Variants in SPIRE1 observed in about 807,000 individuals in gnomAD.
SPIRE1 encodes protein spire homolog 1.
In SPIRE1, 40 loss-of-function variants were observed where a neutral mutation model predicts 94.1. The ratio of observed to expected loss-of-function variants is 0.43; its 90% CI spans 0.33 to 0.55. The LOEUF (loss-of-function observed/expected upper bound fraction) is 0.55. Among genes scored for constraint, SPIRE1 ranks in the 20% least tolerant of loss-of-function variants. The pLI, the probability that SPIRE1 is intolerant of heterozygous loss-of-function variation, is 0.06. For synonymous variants in SPIRE1, 376 were observed against 371.7 expected (o/e 1.01, Z -0.13); for missense variants, 838 against 975.2 (o/e 0.86, Z 1.87).
At chr18:12,490,951 T>G (rs1043577749) in intron 8 of SPIRE1, among the ~76,000 whole-genome samples, 6 of 151,846 alleles carry the variant, frequency 4.0e-5, no homozygotes, top group African/African-American at 1.2e-4. Flanking sequence ...AAAAAAGAAA[T>G]AAAAGGCATC....
At chr18:12,576,308 C>G (rs2036093866) in intron 2 of SPIRE1, among the ~76,000 whole-genome samples, 1 of 151,956 alleles carries the variant, frequency 6.6e-6, no homozygotes, top group Non-Finnish European at 1.5e-5. Context: ...AATTTTAAGA[C>G]TTATAATCAC....
At chr18:12,493,459 T>C (rs1026659237) in intron 7 of SPIRE1, among the ~76,000 whole-genome samples, 4 of 152,180 alleles carry the variant, frequency 2.6e-5, no homozygotes, top group African/African-American at 9.6e-5. Context: ...CAGGCTGGAG[T>C]GCAGTGGTGC....
At chr18:12,571,379 T>C (rs1320220407) in intron 2 of SPIRE1, among the ~76,000 whole-genome samples, 3 of 152,168 alleles carry the variant, frequency 2.0e-5, no homozygotes, top group African/African-American at 7.2e-5. Flanking sequence ...CTGGCCCCTA[T>C]TTATTTTGAA....
intron 5 of SPIRE1, among the ~76,000 whole-genome samples, chr18:12,510,320 C>A (rs1362086845): frequency 6.6e-6 from 1 of 151,776 alleles, no homozygotes; most frequent in East Asian, 1.9e-4. Flanking sequence ...TATATATGTA[C>A]AAAATATATG....
chr18:12,511,669 G>A (rs2034039301), intron 5 of SPIRE1, among the ~76,000 whole-genome samples: 1 of 152,130 alleles, frequency 6.6e-6, no homozygotes, highest in Non-Finnish European at 1.5e-5. Context: ...TCAAATGTAA[G>A]ACTAAGCATT....
intron 2 of SPIRE1, among the ~76,000 whole-genome samples, chr18:12,628,310 T>C (rs2144782565): frequency 6.6e-6 from 1 of 152,342 alleles, no homozygotes; most frequent in Non-Finnish European, 1.5e-5. Context: ...TAGGGAATCC[T>C]TTCCCCATTT....
intron 4 of SPIRE1, among the ~76,000 whole-genome samples, chr18:12,517,013 T>C (rs566483035): frequency 6.6e-6 from 1 of 152,364 alleles, no homozygotes; most frequent in East Asian, 1.9e-4. Flanking sequence ...TAGCACAAAC[T>C]GTAGCTCAGA....
intron 2 of SPIRE1, among the ~76,000 whole-genome samples, chr18:12,560,750 G>A (rs1398859239): frequency 6.6e-6 from 1 of 152,176 alleles, no homozygotes; most frequent in Non-Finnish European, 1.5e-5. Flanking sequence ...TACTTGGAAG[G>A]CTGAGGTGGG....
At chr18:12,610,292 G>A (rs1435204602) in intron 2 of SPIRE1, among the ~76,000 whole-genome samples, 3 of 151,886 alleles carry the variant, frequency 2.0e-5, no homozygotes, top group Non-Finnish European at 4.4e-5. Flanking sequence ...TAATGATCTT[G>A]TCCTCCACCT....
intron 9 of SPIRE1, among the ~76,000 whole-genome samples, chr18:12,484,885 C>A (rs933221545): frequency 6.6e-6 from 1 of 152,016 alleles, no homozygotes; most frequent in Non-Finnish European, 1.5e-5. Context: ...TGGTGAAACC[C>A]TGTCTCTATT....
intron 3 of SPIRE1, among the ~76,000 whole-genome samples, chr18:12,545,833 G>A (rs901933411): frequency 7.9e-5 from 12 of 152,126 alleles, no homozygotes; most frequent in Admixed American, 5.2e-4. Context: ...GTCAACTGAA[G>A]ATATAATGCC....
At chr18:12,643,706 TA>T (rs1317527826) in intron 1 of SPIRE1, among the ~76,000 whole-genome samples, 2 of 152,206 alleles carry the variant, frequency 1.3e-5, no homozygotes, top group African/African-American at 4.8e-5. Flanking sequence ...TGACATAGAC[TA>T]CACTTTGCCA....
intron 4 of SPIRE1, among the ~76,000 whole-genome samples, chr18:12,529,979 T>G (rs142589982): frequency 2.0e-5 from 3 of 152,298 alleles, no homozygotes; most frequent in African/African-American, 7.2e-5. Flanking sequence ...ATAATTTTAT[T>G]TTTAGCCTAT....
At chr18:12,546,053 G>T (rs2035156354) in intron 3 of SPIRE1, among the ~76,000 whole-genome samples, 1 of 152,096 alleles carries the variant, frequency 6.6e-6, no homozygotes. Flanking sequence ...GCAGTGGCGT[G>T]ATCTCAGCTC....
At chr18:12,492,160 T>C (rs2033257395) in intron 8 of SPIRE1, among the ~76,000 whole-genome samples, 1 of 152,086 alleles carries the variant, frequency 6.6e-6, no homozygotes, top group Non-Finnish European at 1.5e-5. Flanking sequence ...GAAGAGGGTA[T>C]GGTTGCTTAG....
chr18:12,475,816 C>T (rs1052247824), intron 10 of SPIRE1, among the ~76,000 whole-genome samples: 3 of 152,206 alleles, frequency 2.0e-5, no homozygotes, highest in African/African-American at 7.2e-5. Flanking sequence ...CAGCTCCTCT[C>T]ATCAAAGGGA....
chr18:12,531,447 T>C (rs2034679093), intron 4 of SPIRE1, among the ~76,000 whole-genome samples: 1 of 152,250 alleles, frequency 6.6e-6, no homozygotes, highest in Non-Finnish European at 1.5e-5. Context: ...CATCTAATAA[T>C]GCATTTTATG....
At chr18:12,638,304 C>T (rs1010542705) in intron 1 of SPIRE1, among the ~76,000 whole-genome samples, 3 of 152,034 alleles carry the variant, frequency 2.0e-5, no homozygotes, top group Non-Finnish European at 2.9e-5. Context: ...ATTAGCCACG[C>T]ATGTTGGCAC....
At chr18:12,629,701 C>CA (rs1333522108) in intron 2 of SPIRE1, among the ~76,000 whole-genome samples, 1 of 151,902 alleles carries the variant, frequency 6.6e-6, no homozygotes, top group Non-Finnish European at 1.5e-5. Flanking sequence ...TAGTTAACAA[C>CA]AAAATATCCT....
Sources: allele counts gnomAD v4.1 joint callset (sites outside exome capture counted in the v4.1 genomes callset), GRCh38; gene constraint gnomAD v4.1.1; transcripts MANE v1.5; gene names NCBI Gene and HGNC (gene_info 2026-07-23, HGNC 2026-07-21).